PTTG1IP2: variants seen among roughly 807,000 people sequenced by gnomAD.
PTTG1IP2 encodes PTTG1IP family member 2.
At chr7:90,501,273 A>AT (rs1453617160) in intron 6 of PTTG1IP2, among the ~76,000 whole-genome samples, 3 of 152,142 alleles carry the variant, frequency 2.0e-5, no homozygotes, top group African/African-American at 7.2e-5. Flanking sequence ...GTCACACATT[A>AT]TTTTTTTGTT....
chr7:90,497,615 G>A (rs1274212749), intron 6 of PTTG1IP2, among the ~76,000 whole-genome samples: 3 of 148,642 alleles, frequency 2.0e-5, no homozygotes, highest in Non-Finnish European at 4.5e-5. Flanking sequence ...TACTAGGAAG[G>A]GTGGGGCAGG....
chr7:90,507,206 G>C (rs951514237), intron 6 of PTTG1IP2, among the ~76,000 whole-genome samples: 2 of 152,070 alleles, frequency 1.3e-5, no homozygotes, highest in African/African-American at 4.8e-5. Context: ...TTCTGTAAGT[G>C]TATGTAGTGA....
chr7:90,499,556 T>G (rs1798037733), intron 6 of PTTG1IP2, among the ~76,000 whole-genome samples: 1 of 152,096 alleles, frequency 6.6e-6, no homozygotes, highest in Non-Finnish European at 1.5e-5. Context: ...TTTAAATGCT[T>G]TTTGATCAGT....
At chr7:90,475,866 G>T (rs1208122936) in intron 1 of PTTG1IP2, among the ~76,000 whole-genome samples, 1 of 151,726 alleles carries the variant, frequency 6.6e-6, no homozygotes, top group African/African-American at 2.4e-5. Context: ...GGCTGAGGCA[G>T]GAGGGTGGAG....
intron 1 of PTTG1IP2, among the ~76,000 whole-genome samples, chr7:90,475,375 C>T (rs1238018487): frequency 1.3e-5 from 2 of 152,186 alleles, no homozygotes; most frequent in African/African-American, 2.4e-5. Flanking sequence ...ATGTATGTCT[C>T]TCTCAACACT....
chr7:90,479,125 T>TA (rs1248773335), intron 1 of PTTG1IP2, 103 bp from the exon 2 acceptor site: 1 of 152,612 alleles, frequency 6.6e-6, no homozygotes, highest in Non-Finnish European at 1.5e-5. Context: ...TATGGATGAC[T>TA]ATGGCTTAAA....
intron 2 of PTTG1IP2, among the ~76,000 whole-genome samples, chr7:90,480,509 TC>T (rs1562984458): frequency 6.6e-6 from 1 of 152,158 alleles, no homozygotes; most frequent in Non-Finnish European, 1.5e-5. Context: ...TGTATGCTCT[TC>T]CCCTCTAAAT....
At chr7:90,494,765 C>T (rs1235691874) in intron 6 of PTTG1IP2, among the ~76,000 whole-genome samples, 1 of 152,106 alleles carries the variant, frequency 6.6e-6, no homozygotes, top group African/African-American at 2.4e-5. Context: ...ACCTGCAGTC[C>T]TAACAACTTG....
At chr7:90,496,392 A>C (rs1797991998) in intron 6 of PTTG1IP2, among the ~76,000 whole-genome samples, 3 of 152,070 alleles carry the variant, frequency 2.0e-5, no homozygotes, top group Admixed American at 2.0e-4. Flanking sequence ...TTGTCTAGGA[A>C]TGTATTCATT....
chr7:90,504,379 G>A (rs1798100815), intron 6 of PTTG1IP2, among the ~76,000 whole-genome samples: 1 of 152,036 alleles, frequency 6.6e-6, no homozygotes. Context: ...TTGTATCAGA[G>A]AGCGTAATTT....
At chr7:90,512,521 C>T (rs1562991705) in intron 6 of PTTG1IP2, among the ~76,000 whole-genome samples, 1 of 152,068 alleles carries the variant, frequency 6.6e-6, no homozygotes, top group Non-Finnish European at 1.5e-5. Flanking sequence ...ACTGGAAGTT[C>T]TTTGTGGCTA....
At chr7:90,495,785 T>C (rs1324580466) in intron 6 of PTTG1IP2, among the ~76,000 whole-genome samples, 1 of 152,154 alleles carries the variant, frequency 6.6e-6, no homozygotes, top group Non-Finnish European at 1.5e-5. Context: ...CTATTAAGAA[T>C]TATGCTAGGA....
intron 1 of PTTG1IP2, among the ~76,000 whole-genome samples, chr7:90,479,015 G>C (rs1229747500): frequency 6.6e-6 from 1 of 152,000 alleles, no homozygotes; most frequent in Non-Finnish European, 1.5e-5. Flanking sequence ...GCTATTTCAT[G>C]TTTTTCCAAG....
chr7:90,501,093 G>A (rs1798056116), intron 6 of PTTG1IP2, among the ~76,000 whole-genome samples: 1 of 152,040 alleles, frequency 6.6e-6, no homozygotes, highest in Non-Finnish European at 1.5e-5. Context: ...CAGAGATTGG[G>A]CCACATATGA....
At chr7:90,511,825 A>G (rs1228853432) in intron 6 of PTTG1IP2, among the ~76,000 whole-genome samples, 1 of 152,136 alleles carries the variant, frequency 6.6e-6, no homozygotes, top group African/African-American at 2.4e-5. Flanking sequence ...CGGTTTCTTC[A>G]TCTGTAAAAT....
intron 2 of PTTG1IP2, among the ~76,000 whole-genome samples, chr7:90,486,239 G>A (rs1294121499): frequency 6.6e-6 from 1 of 152,090 alleles, no homozygotes; most frequent in South Asian, 2.1e-4. Context: ...TGCTACTTAG[G>A]TTAGAACCCA....
intron 4 of PTTG1IP2, among the ~76,000 whole-genome samples, chr7:90,490,194 AG>A (rs748468912): frequency 6.6e-5 from 10 of 151,980 alleles, no homozygotes; most frequent in Non-Finnish European, 1.3e-4. Flanking sequence ...AATTTTTCAA[AG>A]GGAGTTCACA....
intron 6 of PTTG1IP2, among the ~76,000 whole-genome samples, chr7:90,510,456 T>C (rs1270450885): frequency 6.6e-6 from 1 of 152,202 alleles, no homozygotes; most frequent in Non-Finnish European, 1.5e-5. Flanking sequence ...GGGAGAATCA[T>C]GTACACACCT....
At chr7:90,473,917 A>C (rs1180404747) in intron 1 of PTTG1IP2, among the ~76,000 whole-genome samples, 1 of 152,242 alleles carries the variant, frequency 6.6e-6, no homozygotes. Context: ...TGTTGTGAGG[A>C]TCAAATGAGT....
Sources: gnomAD v4.1 joint callset for allele counts (sites outside exome capture counted in the v4.1 genomes callset) on GRCh38, gnomAD v4.1.1 for gene constraint, MANE v1.5 for transcripts, NCBI Gene and HGNC (gene_info 2026-07-23, HGNC 2026-07-21) for gene names.